Variants in SUPT3H observed in about 807,000 individuals in gnomAD.
SUPT3H encodes the protein SPT3 homolog, SAGA and STAGA complex component.
SUPT3H carries 44 observed loss-of-function variants against 44.3 expected under a neutral mutation model. The ratio of observed to expected loss-of-function variants is 0.99; its 90% CI spans 0.78 to 1.28. The LOEUF (loss-of-function observed/expected upper bound fraction) is 1.28. Among genes scored for constraint, SUPT3H ranks in the 50% most tolerant of loss-of-function variants. The pLI is 0.00. For missense variants in SUPT3H, 380 were observed against 387.1 expected (o/e 0.98, Z 0.15); for synonymous variants, 124 against 125.6 (o/e 0.99, Z 0.09).
At chr6:45,280,854 G>A (rs1777911806) in intron 2 of SUPT3H, among the ~76,000 whole-genome samples, 1 of 152,132 alleles carries the variant, frequency 6.6e-6, no homozygotes, top group Non-Finnish European at 1.5e-5. Flanking sequence ...TATAACAACA[G>A]AGTGGTTAAA....
At chr6:45,015,971 AC>A (rs1161847581) in intron 4 of SUPT3H, among the ~76,000 whole-genome samples, 2 of 152,064 alleles carry the variant, frequency 1.3e-5, no homozygotes, top group African/African-American at 4.8e-5. Flanking sequence ...TGAAGGAACA[AC>A]CTCAGGTGGT....
At chr6:45,160,505 T>C (rs1808761802) in intron 2 of SUPT3H, among the ~76,000 whole-genome samples, 1 of 152,120 alleles carries the variant, frequency 6.6e-6, no homozygotes, top group Admixed American at 6.6e-5. Flanking sequence ...TCTGCAAGCA[T>C]AGCAAAACCT....
chr6:45,352,260 A>G (rs995086399), intron 2 of SUPT3H, among the ~76,000 whole-genome samples: 3 of 152,206 alleles, frequency 2.0e-5, no homozygotes, highest in Non-Finnish European at 2.9e-5. Flanking sequence ...AGAAAATACA[A>G]TAAAAAATAT....
intron 6 of SUPT3H, among the ~76,000 whole-genome samples, chr6:44,970,835 C>T (rs1003308536): frequency 6.6e-6 from 1 of 152,188 alleles, no homozygotes; most frequent in Non-Finnish European, 1.5e-5. Flanking sequence ...TTAGTTCATA[C>T]TTTCTCTTTA....
At chr6:45,331,637 T>G (rs1448563180) in intron 2 of SUPT3H, among the ~76,000 whole-genome samples, 2 of 151,958 alleles carry the variant, frequency 1.3e-5, no homozygotes, top group African/African-American at 4.8e-5. Flanking sequence ...CATTACAAAC[T>G]GTTAAAGATT....
chr6:44,972,778 G>C (rs1326797341), intron 6 of SUPT3H, among the ~76,000 whole-genome samples: 2 of 152,160 alleles, frequency 1.3e-5, no homozygotes, highest in Non-Finnish European at 2.9e-5. Context: ...ACACCATGTG[G>C]AAGCTGCCAA....
chr6:44,848,714 C>T (rs1772329069), intron 10 of SUPT3H, among the ~76,000 whole-genome samples: 1 of 152,174 alleles, frequency 6.6e-6, no homozygotes, highest in Non-Finnish European at 1.5e-5. Flanking sequence ...CAAGCATTCT[C>T]TCATGTGAAC....
chr6:45,180,524 A>G (rs1478931762), intron 2 of SUPT3H, among the ~76,000 whole-genome samples: 2 of 145,402 alleles, frequency 1.4e-5, no homozygotes, highest in Admixed American at 1.4e-4. Context: ...ACAGAGATAT[A>G]GATCAATGGA....
At chr6:44,899,857 T>C (rs1017134752) in intron 10 of SUPT3H, among the ~76,000 whole-genome samples, 6 of 152,354 alleles carry the variant, frequency 3.9e-5, no homozygotes, top group African/African-American at 1.4e-4. Context: ...TCCATGAATT[T>C]CATAGACTTT....
chr6:44,899,531 C>CA (rs1465832243), intron 10 of SUPT3H, among the ~76,000 whole-genome samples: 2 of 152,056 alleles, frequency 1.3e-5, no homozygotes. Context: ...AATAAAAATA[C>CA]AAAAAATTAG....
intron 2 of SUPT3H, among the ~76,000 whole-genome samples, chr6:45,286,114 T>A (rs1428135816): frequency 1.3e-5 from 2 of 151,514 alleles, no homozygotes; most frequent in African/African-American, 4.9e-5. Flanking sequence ...ATTAAAGACT[T>A]AAATGTTAGC....
chr6:45,375,161 C>G (rs929048415), intron 1 of SUPT3H, among the ~76,000 whole-genome samples: 1 of 152,102 alleles, frequency 6.6e-6, no homozygotes, highest in Non-Finnish European at 1.5e-5. Flanking sequence ...GAGCTGAGAT[C>G]GCACCATTGT....
intron 3 of SUPT3H, chr6:45,097,718 G>A (rs1464575356): frequency 2.0e-5 from 3 of 152,162 alleles, no homozygotes; most frequent in Non-Finnish European, 4.4e-5. Context: ...CAACACTCAT[G>A]TTTCTTCTAT....
At chr6:44,953,502 T>G (rs1774636202) in intron 8 of SUPT3H, 85 bp from the exon 9 acceptor site, 1 of 995,404 alleles carries the variant, frequency 1.0e-6, no homozygotes. Context: ...CAATACATTC[T>G]GAATGTTACT....
chr6:45,061,729 T>TAC (rs35685162), intron 3 of SUPT3H, among the ~76,000 whole-genome samples: 1 of 236 alleles, frequency 4.2e-3, no homozygotes, highest in Non-Finnish European at 5.8e-3. Context: ...TAAAATCCAT[T>TAC]ATGACTATAT....
At chr6:45,045,901 A>G (rs1789317009) in intron 3 of SUPT3H, among the ~76,000 whole-genome samples, 1 of 152,054 alleles carries the variant, frequency 6.6e-6, no homozygotes, top group South Asian at 2.1e-4. Flanking sequence ...TCAGAGTGCA[A>G]GTTTTTTAAT....
At chr6:45,105,244 C>G (rs1799110223) in intron 3 of SUPT3H, among the ~76,000 whole-genome samples, 1 of 151,884 alleles carries the variant, frequency 6.6e-6, no homozygotes, top group African/African-American at 2.4e-5. Flanking sequence ...CACAAAATAA[C>G]AGGAATAAAC....
chr6:44,840,047 G>C (rs1174749808), intron 10 of SUPT3H, among the ~76,000 whole-genome samples: 10 of 152,202 alleles, frequency 6.6e-5, no homozygotes, highest in Non-Finnish European at 1.2e-4. Flanking sequence ...TGAAATTCTT[G>C]TCCAAACTGG....
chr6:45,331,277 A>G (rs1373362815), intron 2 of SUPT3H, among the ~76,000 whole-genome samples: 1 of 152,066 alleles, frequency 6.6e-6, no homozygotes, highest in Non-Finnish European at 1.5e-5. Flanking sequence ...AAAATCACAG[A>G]TGTGACTCAT....
Sources: allele counts gnomAD v4.1 joint callset (sites outside exome capture counted in the v4.1 genomes callset), GRCh38; gene constraint gnomAD v4.1.1; transcripts MANE v1.5; gene names NCBI Gene and HGNC (gene_info 2026-07-23, HGNC 2026-07-21).